Variants in FHIT observed in about 807,000 individuals in gnomAD.
FHIT encodes the protein bis(5'-adenosyl)-triphosphatase.
FHIT carries 19 observed loss-of-function variants against 17.9 expected under a neutral mutation model. The observed-to-expected ratio is 1.06, with a 90% CI of 0.74 to 1.56. The LOEUF (loss-of-function observed/expected upper bound fraction) is 1.56. FHIT is among the 40% of genes most tolerant of loss of function. The pLI is 0.00. For synonymous variants in FHIT, 81 were observed against 69.7 expected, an observed-to-expected ratio of 1.16 and a Z score of -0.81; for missense variants, 248 against 189.2, an observed-to-expected ratio of 1.31 and a Z score of -1.82.
intron 9 of FHIT, 153 bp from the exon 10 acceptor site, chr3:59,749,732 A>C (rs1384991196): frequency 4.4e-6 from 1 of 229,380 alleles, no homozygotes; most frequent in Non-Finnish European, 8.6e-6. Flanking sequence ...TTAATGCTTA[A>C]TTACAACTAT....
intron 3 of FHIT, among the ~76,000 whole-genome samples, chr3:60,882,385 A>G (rs1372554479): frequency 6.6e-6 from 1 of 152,072 alleles, no homozygotes; most frequent in East Asian, 1.9e-4. Context: ...CTACAAGACC[A>G]TTATTACCCT....
chr3:60,422,218 G>C (rs1440090116), intron 5 of FHIT, among the ~76,000 whole-genome samples: 6 of 152,082 alleles, frequency 3.9e-5, no homozygotes, highest in Admixed American at 3.9e-4. Flanking sequence ...TCCAAATACT[G>C]GAGAGTCATA....
At chr3:60,081,586 A>G (rs954178747) in intron 5 of FHIT, among the ~76,000 whole-genome samples, 6 of 152,194 alleles carry the variant, frequency 3.9e-5, no homozygotes, top group African/African-American at 1.4e-4. Flanking sequence ...ATTATTAACT[A>G]TGGATGGACT....
At chr3:60,174,724 C>T (rs1331461330) in intron 5 of FHIT, among the ~76,000 whole-genome samples, 2 of 151,338 alleles carry the variant, frequency 1.3e-5, no homozygotes, top group Non-Finnish European at 2.9e-5. Flanking sequence ...TTATTAATAT[C>T]AATTCATAAT....
intron 2 of FHIT, among the ~76,000 whole-genome samples, chr3:61,149,529 A>G (rs1169939138): frequency 6.6e-6 from 1 of 152,134 alleles, no homozygotes; most frequent in East Asian, 1.9e-4. Context: ...GACAGTTGAA[A>G]TACAGTCCTA....
chr3:60,476,299 T>C (rs1200715683), intron 5 of FHIT, among the ~76,000 whole-genome samples: 1 of 152,174 alleles, frequency 6.6e-6, no homozygotes, highest in Non-Finnish European at 1.5e-5. Flanking sequence ...AGGAAGTTCC[T>C]ATTACTGTTA....
chr3:59,948,815 T>C (rs1223525601), intron 7 of FHIT, among the ~76,000 whole-genome samples: 1 of 152,170 alleles, frequency 6.6e-6, no homozygotes, highest in Non-Finnish European at 1.5e-5. Flanking sequence ...ACTTGTATTG[T>C]TCATTTTTTC....
At chr3:60,128,584 A>G (rs1699365974) in intron 5 of FHIT, among the ~76,000 whole-genome samples, 1 of 152,210 alleles carries the variant, frequency 6.6e-6, no homozygotes, top group Admixed American at 6.5e-5. Context: ...TACCCAAGAT[A>G]TTACAGCAAA....
At chr3:60,987,278 G>A (rs539122975) in intron 3 of FHIT, among the ~76,000 whole-genome samples, 5 of 152,318 alleles carry the variant, frequency 3.3e-5, no homozygotes, top group Admixed American at 6.5e-5. Flanking sequence ...CAAAATCTCT[G>A]CAGCACTGTA....
chr3:60,100,988 T>TACA (rs549040312), intron 5 of FHIT, among the ~76,000 whole-genome samples: 205 of 152,342 alleles, frequency 1.3e-3, no homozygotes, highest in African/African-American at 4.7e-3. Context: ...TAATTCTTGT[T>TACA]GACTCTATTT....
intron 5 of FHIT, among the ~76,000 whole-genome samples, chr3:60,211,474 A>G (rs1011172512): frequency 2.6e-5 from 4 of 152,174 alleles, no homozygotes; most frequent in Non-Finnish European, 5.9e-5. Flanking sequence ...TTAAATCTAA[A>G]AAAGCAATCT....
At chr3:60,376,496 C>T (rs1700568383) in intron 5 of FHIT, among the ~76,000 whole-genome samples, 1 of 152,180 alleles carries the variant, frequency 6.6e-6, no homozygotes, top group Non-Finnish European at 1.5e-5. Context: ...CATACACACA[C>T]ACATTCTCAA....
intron 5 of FHIT, among the ~76,000 whole-genome samples, chr3:60,184,379 A>C (rs1702075279): frequency 6.6e-6 from 1 of 152,076 alleles, no homozygotes; most frequent in African/African-American, 2.4e-5. Flanking sequence ...CTTAGTTGTG[A>C]CAGTTTATGA....
chr3:60,261,596 A>G (rs915510965), intron 5 of FHIT, among the ~76,000 whole-genome samples: 16 of 152,086 alleles, frequency 1.1e-4, no homozygotes, highest in African/African-American at 3.4e-4. Context: ...CCTCTTCAAC[A>G]TAGAAACTAT....
intron 8 of FHIT, among the ~76,000 whole-genome samples, chr3:59,911,546 G>A (rs1170528584): frequency 6.6e-6 from 1 of 152,166 alleles, no homozygotes; most frequent in African/African-American, 2.4e-5. Context: ...TTGGTGATTT[G>A]ATTCTGGAGT....
chr3:60,759,751 C>G (rs114258146), intron 4 of FHIT, among the ~76,000 whole-genome samples: 2,670 of 152,226 alleles, frequency 0.018, 84 homozygotes, highest in African/African-American at 0.06. Flanking sequence ...ATTTGGCAAC[C>G]AAGGGGCCAT....
intron 5 of FHIT, among the ~76,000 whole-genome samples, chr3:60,490,068 T>C (rs73833928): frequency 0.05 from 7,631 of 152,254 alleles, 237 homozygotes; most frequent in Middle Eastern, 0.1. Context: ...GGCAAAGTGC[T>C]GTAACTCGGA....
chr3:60,689,170 T>C (rs1302823430), intron 4 of FHIT, among the ~76,000 whole-genome samples: 2 of 152,184 alleles, frequency 1.3e-5, no homozygotes, highest in African/African-American at 4.8e-5. Context: ...CCACATAAGA[T>C]GTGACTTGCT....
chr3:60,555,018 A>G (rs2036696495), intron 4 of FHIT, among the ~76,000 whole-genome samples: 1 of 152,256 alleles, frequency 6.6e-6, no homozygotes, highest in Non-Finnish European at 1.5e-5. Flanking sequence ...CAAGATAACT[A>G]CATGACTGAT....
Sources: allele counts gnomAD v4.1 joint callset (sites outside exome capture counted in the v4.1 genomes callset), GRCh38; gene constraint gnomAD v4.1.1; transcripts MANE v1.5; gene names NCBI Gene and HGNC (gene_info 2026-07-23, HGNC 2026-07-21).